The following ANAPC13 variants were observed in gnomAD, a reference collection of about 807,000 sequenced individuals.
ANAPC13 encodes the protein anaphase-promoting complex subunit 13.
ANAPC13 carries 9 observed loss-of-function variants against 9.6 expected under a neutral mutation model. That is an observed-to-expected ratio of 0.94 (90% CI 0.57 to 1.64). The LOEUF is 1.64. Among genes scored for constraint, ANAPC13 ranks in the 40% most tolerant of loss-of-function variants. ANAPC13 has a pLI of 0.00. For synonymous variants in ANAPC13, 30 were observed against 29.7 expected (o/e 1.01, Z -0.03); for missense variants, 75 against 85.3 (o/e 0.88, Z 0.48).
In ANAPC13 at chr3:134,482,857, A is replaced by T; in HGVS notation, c.48T>A (p.Asp16Glu). The part of the protein sequence containing the change: ...QRDGRILDLI[D>E]DAWREDKLPY... ...GCAGCTTGTCTTCTCGCCAAGCATC[A>T]TCAATCAAATCCAAGATCCTTCCAT... The change falls in exon 2 of 3, where the codon GAT becomes GAA. Residue 16 changes from aspartate (D) to glutamate (E), a missense_variant. Asp to Glu is a conservative substitution (Grantham distance 45, BLOSUM62 2). Coordinates refer to ENST00000354910, the MANE Select transcript of ANAPC13 (RefSeq NM_015391.4). The T allele has an allele frequency of 6.2e-7, 1 of 1,614,190 alleles. No individual in the cohort carries two copies. The highest frequency in any genetic ancestry group is 8.5e-7 in the Non-Finnish European group (1 of 1,180,028).
At chr3:134,479,559 G>A (rs927964114) in intron 2 of ANAPC13, among the ~76,000 whole-genome samples, 1 of 152,002 alleles carries the variant, frequency 6.6e-6, no homozygotes, top group African/African-American at 2.4e-5. Flanking sequence ...ATGTTGGTCA[G>A]GCTGGTCTCG....
intron 2 of ANAPC13, among the ~76,000 whole-genome samples, chr3:134,480,609 C>T (rs947149391): frequency 6.6e-6 from 1 of 152,198 alleles, no homozygotes; most frequent in Admixed American, 6.5e-5. Context: ...TCAGGTTGCT[C>T]TTGGAACCCT....
chr3:134,481,114 C>T (rs1478499156), intron 2 of ANAPC13, among the ~76,000 whole-genome samples: 1 of 152,154 alleles, frequency 6.6e-6, no homozygotes, highest in African/African-American at 2.4e-5. Context: ...TTGCCTAGAC[C>T]ACAACAGCTT....
chr3:134,480,661 C>T (rs1176655988), intron 2 of ANAPC13, among the ~76,000 whole-genome samples: 2 of 152,118 alleles, frequency 1.3e-5, no homozygotes, highest in Non-Finnish European at 2.9e-5. Context: ...TACCAGAGAC[C>T]ATGGCATAGT....
rs147946985 is a variant in ANAPC13 at position 134,483,365 on chromosome 3, C to T, written c.-27-434G>A. The T allele has an allele frequency of 1.6e-3, 254 of 160,450 alleles. 1 individual carries two copies. Among genetic ancestry groups the T allele is most frequent in the African/African-American group, 5.7e-3 (238 of 41,796 alleles). The allele number at this position is 160,450 out of a possible 1,614,324, so 9.9% of individuals were successfully genotyped here. A position where few individuals can be genotyped will look rare whatever the true frequency, so the allele number is the denominator to read the frequency against. ...AGCATTCTTAGGCACAGGAGTCACACGAACATACTGTAAAGGAAACGGCTT... is the reference window on the plus strand; with the variant it reads ...AGCATTCTTAGGCACAGGAGTCACATGAACATACTGTAAAGGAAACGGCTT... On this transcript the variant is annotated intron_variant, in intron 1 of 2. Coordinates refer to ENST00000354910, the MANE Select transcript of ANAPC13 (RefSeq NM_015391.4).
At chr3:134,483,874 C>CT (rs1372551192) in intron 1 of ANAPC13, among the ~76,000 whole-genome samples, 1 of 152,182 alleles carries the variant, frequency 6.6e-6, no homozygotes, top group Non-Finnish European at 1.5e-5. Context: ...TCTGGAGGTG[C>CT]TTTTTTCAGA....
chr3:134,482,728 T>C, intron 2 of ANAPC13, 78 bp downstream of exon 2: 1 of 1,152,828 alleles, frequency 8.7e-7, no homozygotes, highest in African/African-American at 1.5e-5. Context: ...CTAGTTTATC[T>C]TCCATTGATA....
intron 2 of ANAPC13, among the ~76,000 whole-genome samples, chr3:134,480,712 T>G (rs1277378251): frequency 6.6e-6 from 1 of 152,164 alleles, no homozygotes; most frequent in Non-Finnish European, 1.5e-5. Flanking sequence ...CTGCCAGACA[T>G]GTGAGACAGT....
At chr3:134,484,250 G>A (rs894614840) in intron 1 of ANAPC13, among the ~76,000 whole-genome samples, 6 of 152,146 alleles carry the variant, frequency 3.9e-5, no homozygotes, top group African/African-American at 1.4e-4. Context: ...CATGGTGGCA[G>A]GCGCCTGTAG....
chr3:134,478,878 A>C (rs1934670139), intron 2 of ANAPC13, among the ~76,000 whole-genome samples, 163 bp from the exon 3 acceptor site: 1 of 152,258 alleles, frequency 6.6e-6, no homozygotes, highest in Non-Finnish European at 1.5e-5. Flanking sequence ...AACTATCAGA[A>C]GTATCATTCA....
chr3:134,484,066 G>A (rs1180880521), intron 1 of ANAPC13, among the ~76,000 whole-genome samples: 1 of 152,234 alleles, frequency 6.6e-6, no homozygotes, highest in African/African-American at 2.4e-5. Context: ...TTTGGGCCAA[G>A]GCAGGTGGAA....
intron 1 of ANAPC13, chr3:134,485,333 T>C (rs1935017062): frequency 6.6e-6 from 1 of 152,318 alleles, no homozygotes; most frequent in Admixed American, 6.5e-5. Flanking sequence ...ACAGTCCCGA[T>C]GCCTGCAATG....
chr3:134,483,025 C>G (rs925251109), intron 1 of ANAPC13, 94 bp from the exon 2 acceptor site: 24 of 837,630 alleles, frequency 2.9e-5, no homozygotes, highest in Non-Finnish European at 4.7e-5. Flanking sequence ...TCTGGGGCCA[C>G]CTTTTGGGAA....
chr3:134,484,844 C>T (rs1226875602), intron 1 of ANAPC13, among the ~76,000 whole-genome samples: 1 of 152,188 alleles, frequency 6.6e-6, no homozygotes, highest in Non-Finnish European at 1.5e-5. Flanking sequence ...CTTCAGTAGG[C>T]CTTCTATCCT....
chr3:134,478,518 T>G lies in ANAPC13; in HGVS notation c.*72A>C. On this transcript the variant is annotated 3_prime_UTR_variant, in exon 3 of 3. Transcript: ENST00000354910. The stretch of plus-strand genomic sequence containing the variant: ...TGATTTATTACTCAAAGGTTTGAAT[T>G]TGGAGACTGAAACAAACCATGCTTT... 1 of 1,541,272 alleles carries G rather than the reference T, an allele frequency of 6.5e-7. No homozygotes were observed. The highest frequency in any genetic ancestry group is 8.8e-7 in the Non-Finnish European group (1 of 1,138,896).
In ANAPC13 at chr3:134,477,851, T is replaced by C. The variant is rs369403384; in HGVS notation, c.*739A>G. ...ACAGGCAAATAATTCCAGGAATAAA[T>C]ATACATGAATGTGTTTTTCAAAATA... On this transcript the variant is annotated 3_prime_UTR_variant, in exon 3 of 3. Transcript: ENST00000354910. 6.6e-6 allele frequency: 1 copy of C among 152,214 alleles called. No individual in the cohort carries two copies. Among genetic ancestry groups the C allele is most frequent in the African/African-American group, 2.4e-5 (1 of 41,466 alleles). 9.4% of individuals were successfully genotyped at this position (152,214 alleles called of 1,614,324 possible).
chr3:134,478,953 G>A (rs1934671910), intron 2 of ANAPC13, among the ~76,000 whole-genome samples: 1 of 152,208 alleles, frequency 6.6e-6, no homozygotes, highest in Admixed American at 6.5e-5. Flanking sequence ...TTGTGAAGGA[G>A]GCACTGTGGC....
At position 134,481,766 on chromosome 3, in the gene ANAPC13, T is replaced by A. The variant is rs569816839; in HGVS notation, c.99+1040A>T. 5.3e-5 allele frequency among the ~76,000 whole-genome samples: 8 copies of A among 152,358 alleles called. No individual in the cohort carries two copies. In the South Asian group the frequency reaches 1.7e-3, roughly 32 times the overall value. ...GGTATATGTTATATGAAGCCCTACT[T>A]ACCTGCTACCAGACTTTGGGCAAGT... On this transcript the variant is annotated intron_variant, in intron 2 of 2. Transcript: ENST00000354910.
chr3:134,482,846 CG>C lies in ANAPC13; in HGVS notation c.58del (p.Arg20GlufsTer14). ...RILDLIDDAW[R>X]EDKLPYEDVA... is the part of the protein sequence containing the mutation. ...ATCCTCATAAGGCAGCTTGTCTTCT[CG>C]CCAAGCATCATCAATCAAATCCAAG... On this transcript the variant is annotated frameshift_variant, in exon 2 of 3. Coordinates refer to ENST00000354910, the MANE Select transcript of ANAPC13 (RefSeq NM_015391.4). LOFTEE classifies it high-confidence loss of function. 1 of 1,614,196 alleles carries C rather than the reference CG, an allele frequency of 6.2e-7. No homozygotes were observed. The highest frequency in any genetic ancestry group is 8.5e-7 in the Non-Finnish European group (1 of 1,180,022).
Sources: allele counts gnomAD v4.1 joint callset (sites outside exome capture counted in the v4.1 genomes callset), GRCh38; gene constraint gnomAD v4.1.1; transcripts MANE v1.5; gene names NCBI Gene and HGNC (gene_info 2026-07-23, HGNC 2026-07-21).